BRCA2: variants seen among roughly 807,000 people sequenced by gnomAD.
The protein encoded by BRCA2 is breast cancer type 2 susceptibility protein.
BRCA2 carries 203 observed loss-of-function variants against 276.7 expected under a neutral mutation model. The ratio of observed to expected loss-of-function variants is 0.73; its 90% confidence interval spans 0.65 to 0.82. The LOEUF is 0.82. Among genes scored for constraint, BRCA2 ranks in the 40% least tolerant of loss-of-function variants. BRCA2 has a pLI of 0.00. For missense variants in BRCA2, 3,920 were observed against 3,915.0 expected (o/e 1.00, Z -0.03); for synonymous variants, 1,289 against 1,338.4 (o/e 0.96, Z 0.81).
chr13:32,346,853 A>G lies in BRCA2; in HGVS notation c.6964A>G (p.Met2322Val), dbSNP rs1060502483. 6.2e-7 allele frequency: 1 copy of G among 1,610,008 alleles called. No individual in the cohort carries two copies. The highest frequency in any genetic ancestry group is 1.1e-5 in the South Asian group (1 of 90,520). The change falls in exon 13 of 27, where the codon ATG becomes GTG. Residue 2322 changes from methionine (M) to valine (V), a missense_variant. Coordinates refer to ENST00000380152, the MANE Select transcript of BRCA2 (RefSeq NM_000059.4). Reference sequence around the variant, plus strand: ...CACAATAAAAGATCGAAGATTGTTTATGCATCATGTTTCTTTAGAGCCGAT... The same window carrying G: ...CACAATAAAAGATCGAAGATTGTTTGTGCATCATGTTTCTTTAGAGCCGAT... ...DGTIKDRRLF[M>V]HHVSLEPITC...
intron 20 of BRCA2, among the ~76,000 whole-genome samples, chr13:32,372,394 T>C (rs1427491230): frequency 2.0e-5 from 3 of 152,218 alleles, no homozygotes; most frequent in Non-Finnish European, 2.9e-5. Flanking sequence ...AGAAGCTTAA[T>C]TGACTTACAG....
At chr13:32,382,018 G>GAA (rs2072927893) in intron 24 of BRCA2, among the ~76,000 whole-genome samples, 1 of 152,178 alleles carries the variant, frequency 6.6e-6, no homozygotes, top group Admixed American at 6.5e-5. Flanking sequence ...TTAAGTTTTA[G>GAA]ATGCTTATTA....
chr13:32,336,190 T>G, intron 10 of BRCA2, 75 bp from the exon 11 acceptor site: 1 of 1,485,282 alleles, frequency 6.7e-7, no homozygotes, highest in East Asian at 2.3e-5. Flanking sequence ...CACTACCTTT[T>G]TAACTTAGTG....
chr13:32,397,880 A>G, intron 26 of BRCA2, among the ~76,000 whole-genome samples: 1 of 152,358 alleles, frequency 6.6e-6, no homozygotes, highest in African/African-American at 2.4e-5. Context: ...AAAACAAAAG[A>G]TTAAAGCATA....
At chr13:32,351,669 C>T (rs573657702) in intron 13 of BRCA2, among the ~76,000 whole-genome samples, 2 of 152,182 alleles carry the variant, frequency 1.3e-5, no homozygotes, top group Non-Finnish European at 2.9e-5. Flanking sequence ...AAACATGTCA[C>T]TTAGACATAT....
chr13:32,359,733 T>G (rs1407404874), intron 16 of BRCA2, among the ~76,000 whole-genome samples: 2 of 152,248 alleles, frequency 1.3e-5, no homozygotes, highest in African/African-American at 4.8e-5. Context: ...ACGGTTGTAT[T>G]ATTTTCTCGT....
intron 18 of BRCA2, among the ~76,000 whole-genome samples, chr13:32,366,651 G>A (rs549702617): frequency 3.8e-4 from 57 of 151,100 alleles, no homozygotes; most frequent in African/African-American, 8.8e-4. Flanking sequence ...GTGAAACCCC[G>A]TCTCTACTAA....
chr13:32,371,162 T>G, intron 20 of BRCA2, 62 bp downstream of exon 20: 1 of 1,549,390 alleles, frequency 6.5e-7, no homozygotes, highest in South Asian at 1.2e-5. Flanking sequence ...CTTAGAGACT[T>G]TGAATTTAAC....
At chr13:32,394,553 A>T in intron 24 of BRCA2, 136 bp from the exon 25 acceptor site, 1 of 1,165,324 alleles carries the variant, frequency 8.6e-7, no homozygotes, top group East Asian at 2.5e-5. Flanking sequence ...AGCTTTCGCC[A>T]AATTCAGCTA....
At chr13:32,327,274 C>G (rs2072357006) in intron 7 of BRCA2, among the ~76,000 whole-genome samples, 1 of 152,096 alleles carries the variant, frequency 6.6e-6, no homozygotes, top group Admixed American at 6.6e-5. Context: ...GTGGTGAAAC[C>G]CTGTCTCTAC....
chr13:32,395,960 C>CTTTTTTTTTTTTTTTTTTTTTT (rs397838402), intron 25 of BRCA2: 17 of 79,204 alleles, frequency 2.1e-4, no homozygotes, highest in East Asian at 1.0e-3. Flanking sequence ...TTCTTTCTTT[C>CTTTTTTTTTTTTTTTTTTTTTT]TTTTTTTTTT....
chr13:32,364,715 G>A (rs990423379), intron 18 of BRCA2, among the ~76,000 whole-genome samples: 4 of 152,126 alleles, frequency 2.6e-5, no homozygotes, highest in Non-Finnish European at 4.4e-5. Context: ...TTACACAGGA[G>A]CTATAAAAAT....
At chr13:32,331,059 GTTTTT>G in intron 9 of BRCA2, 29 bp downstream of exon 9, 1 of 1,492,366 alleles carries the variant, frequency 6.7e-7, no homozygotes, top group Non-Finnish European at 9.3e-7. Context: ...TGAACTACAG[GTTTTT>G]TTGTTGTTGT....
chr13:32,369,604 C>A lies in BRCA2; in HGVS notation c.8332-798C>A, dbSNP rs538823076. 3.3e-5 allele frequency among the ~76,000 whole-genome samples: 5 copies of A among 152,226 alleles called. No individual in the cohort carries two copies. The South Asian group carries it at 1.0e-3, about 32-fold the overall frequency. On this transcript the variant is annotated intron_variant, in intron 18 of 26. Transcript: ENST00000380152. ...TGTTTGTTTTTTGGAGACGGAGGCA[C>A]GCTCTGTCCCCCAGGCTGGAGTGCA...
chr13:32,353,168 G>T (rs1011124156), intron 13 of BRCA2, among the ~76,000 whole-genome samples: 2 of 152,054 alleles, frequency 1.3e-5, no homozygotes, highest in African/African-American at 4.8e-5. Flanking sequence ...AGCAGTTGTT[G>T]TACATCTCTC....
chr13:32,331,676 C>T (rs1593890769), intron 9 of BRCA2, among the ~76,000 whole-genome samples: 1 of 150,158 alleles, frequency 6.7e-6, no homozygotes, highest in South Asian at 2.1e-4. Context: ...TGAAAATTTT[C>T]AGAGACAATA....
At chr13:32,317,886 A>C (rs2072275189) in intron 2 of BRCA2, among the ~76,000 whole-genome samples, 1 of 152,254 alleles carries the variant, frequency 6.6e-6, no homozygotes, top group Non-Finnish European at 1.5e-5. Flanking sequence ...TTTCATTGAA[A>C]AAATTGCTTG....
intron 3 of BRCA2, among the ~76,000 whole-genome samples, chr13:32,320,583 T>TA (rs1216555278): frequency 6.6e-6 from 1 of 152,218 alleles, no homozygotes; most frequent in African/African-American, 2.4e-5. Flanking sequence ...TTCTGAGAAA[T>TA]ACTTCCTGTC....
intron 16 of BRCA2, among the ~76,000 whole-genome samples, chr13:32,362,037 T>A (rs1262048953): frequency 2.6e-5 from 4 of 152,206 alleles, no homozygotes; most frequent in African/African-American, 9.6e-5. Flanking sequence ...TTTGTTTTTA[T>A]ATTTTGAGAT....
Sources: gnomAD v4.1 joint callset for allele counts (sites outside exome capture counted in the v4.1 genomes callset) on GRCh38, gnomAD v4.1.1 for gene constraint, MANE v1.5 for transcripts, NCBI Gene and HGNC (gene_info 2026-07-23, HGNC 2026-07-21) for gene names.